The following WWOX variants were observed in gnomAD, a reference collection of about 807,000 sequenced individuals.
The protein encoded by WWOX is WW domain-containing oxidoreductase.
A neutral mutation model predicts 46.2 loss-of-function variants in WWOX; 69 were observed. That is an observed-to-expected ratio of 1.49 (90% CI 1.23 to 1.82). The LOEUF is 1.82. Among genes scored for constraint, WWOX ranks in the 40% most tolerant of loss-of-function variants. The pLI is 0.00. For missense variants in WWOX, 919 were observed against 542.6 expected (o/e 1.69, Z -6.89); for synonymous variants, 359 against 202.6 (o/e 1.77, Z -6.56).
intron 8 of WWOX, among the ~76,000 whole-genome samples, chr16:79,047,699 T>TC: frequency 6.9e-6 from 1 of 145,520 alleles, no homozygotes; most frequent in African/African-American, 2.7e-5. Context: ...TTTTTTTTTT[T>TC]TTGCTTGTCA....
At chr16:78,775,709 G>A (rs1311392502) in intron 8 of WWOX, among the ~76,000 whole-genome samples, 2 of 152,174 alleles carry the variant, frequency 1.3e-5, no homozygotes, top group Non-Finnish European at 2.9e-5. Flanking sequence ...GGGGACAGGT[G>A]TTCATTCAAT....
At chr16:78,279,936 C>A (rs1399394068) in intron 5 of WWOX, among the ~76,000 whole-genome samples, 1 of 152,224 alleles carries the variant, frequency 6.6e-6, no homozygotes, top group African/African-American at 2.4e-5. Context: ...AATCCTGTAA[C>A]TATCTCCTTA....
intron 8 of WWOX, chr16:78,825,621 C>A (rs150772366): frequency 2.9e-4 from 151 of 519,238 alleles, no homozygotes; most frequent in African/African-American, 2.6e-3. Context: ...GCTTACTGTG[C>A]GGAGGGCCTG....
intron 8 of WWOX, among the ~76,000 whole-genome samples, chr16:78,706,585 A>G (rs974817114): frequency 2.0e-5 from 3 of 152,230 alleles, no homozygotes; most frequent in Admixed American, 6.5e-5. Context: ...CACTTGGTGC[A>G]GTCTCTCTGG....
intron 8 of WWOX, among the ~76,000 whole-genome samples, chr16:78,991,624 C>G (rs1481014983): frequency 8.9e-6 from 1 of 112,548 alleles, no homozygotes; most frequent in Non-Finnish European, 1.9e-5. Context: ...AAGCCAGATT[C>G]TCCACCTACC....
At chr16:78,808,488 T>C (rs1178318420) in intron 8 of WWOX, among the ~76,000 whole-genome samples, 1 of 152,244 alleles carries the variant, frequency 6.6e-6, no homozygotes, top group African/African-American at 2.4e-5. Context: ...ATTACATATT[T>C]ACTAATTGAT....
At chr16:78,269,235 T>C (rs376375751) in intron 5 of WWOX, 14 of 152,368 alleles carry the variant, frequency 9.2e-5, no homozygotes, top group African/African-American at 2.4e-4. Context: ...TTAATAGATA[T>C]GTCAGACGTG....
chr16:78,259,935 C>T lies in WWOX; in HGVS notation c.516+95646C>T, dbSNP rs2038233498. 3.3e-5 allele frequency among the ~76,000 whole-genome samples: 5 copies of T among 151,162 alleles called. No individual in the cohort carries two copies. In the South Asian group the frequency reaches 1.0e-3, roughly 31 times the overall value. ...AACAATTGAGTTATTTTATGATGAT[C>T]TAAACTGCATAGGATAAAATCCTAT... On this transcript the variant is annotated intron_variant, in intron 5 of 8. Coordinates refer to ENST00000566780, the MANE Select transcript of WWOX (RefSeq NM_016373.4).
intron 8 of WWOX, among the ~76,000 whole-genome samples, chr16:78,974,057 T>C (rs2046524323): frequency 6.6e-6 from 1 of 152,230 alleles, no homozygotes. Flanking sequence ...TTCTAAATGG[T>C]TTCACCTTTC....
intron 8 of WWOX, among the ~76,000 whole-genome samples, chr16:78,751,848 G>T (rs1355152262): frequency 6.6e-6 from 1 of 151,756 alleles, no homozygotes. Flanking sequence ...AGGAGGGAGG[G>T]AAGGTAAGAA....
At chr16:78,988,361 A>G (rs1257919662) in intron 8 of WWOX, among the ~76,000 whole-genome samples, 1 of 151,994 alleles carries the variant, frequency 6.6e-6, no homozygotes, top group African/African-American at 2.4e-5. Context: ...AATAAAAAAA[A>G]AAAAAAAAGA....
Position 78,726,414 on chromosome 16 carries a change from C to T in WWOX, c.1056+293662C>T, listed in dbSNP as rs558138433. On this transcript the variant is annotated intron_variant, in intron 8 of 8. Transcript: ENST00000566780. ...CGTATTTTTAAATTATTTGTGGAGA[C>T]GGGGCGGGGAGGTCTCCCTGTGTTG... is the stretch of plus-strand genomic sequence containing the variant. Among the ~76,000 whole-genome samples, 18 of 151,922 alleles carry T rather than the reference C, an allele frequency of 1.2e-4. 1 individual carries two copies. The highest frequency in any genetic ancestry group is 2.1e-4 in the Non-Finnish European group (14 of 67,972).
intron 8 of WWOX, among the ~76,000 whole-genome samples, chr16:78,458,177 G>T: frequency 6.6e-6 from 1 of 151,494 alleles, no homozygotes; most frequent in East Asian, 1.9e-4. Flanking sequence ...TGATTTTGTC[G>T]AACTTGCCCT....
At chr16:78,569,554 A>G (rs11640217) in intron 8 of WWOX, among the ~76,000 whole-genome samples, 23,191 of 152,100 alleles carry the variant, frequency 0.15, 2,394 homozygotes, top group African/African-American at 0.3. Flanking sequence ...AGCAATTTGC[A>G]TGAAATTTAC....
At chr16:78,314,563 C>G (rs559623531) in intron 5 of WWOX, among the ~76,000 whole-genome samples, 1 of 139,700 alleles carries the variant, frequency 7.2e-6, no homozygotes, top group Non-Finnish European at 1.5e-5. Context: ...TTGCTCTTGT[C>G]GCCCAGGCTG....
intron 8 of WWOX, among the ~76,000 whole-genome samples, chr16:78,669,628 T>C (rs1281919788): frequency 6.6e-6 from 1 of 152,222 alleles, no homozygotes; most frequent in Non-Finnish European, 1.5e-5. Context: ...TGAGTCAGTT[T>C]CAGATATCCA....
At chr16:78,675,391 C>T (rs953209119) in intron 8 of WWOX, among the ~76,000 whole-genome samples, 1 of 152,182 alleles carries the variant, frequency 6.6e-6, no homozygotes, top group Admixed American at 6.5e-5. Flanking sequence ...TTTACAGAAA[C>T]TCATCTCTGC....
intron 4 of WWOX, among the ~76,000 whole-genome samples, chr16:78,148,471 T>A (rs2034284534): frequency 6.6e-6 from 1 of 152,168 alleles, no homozygotes; most frequent in Non-Finnish European, 1.5e-5. Flanking sequence ...CTTGAGAACC[T>A]TTAAAAGACA....
intron 8 of WWOX, among the ~76,000 whole-genome samples, chr16:78,459,612 C>G (rs572208002): frequency 2.6e-5 from 4 of 152,254 alleles, no homozygotes; most frequent in South Asian, 2.1e-4. Context: ...GAGGCAAAAT[C>G]TACTTTCTGC....
Sources: allele counts gnomAD v4.1 joint callset (sites outside exome capture counted in the v4.1 genomes callset), GRCh38; gene constraint gnomAD v4.1.1; transcripts MANE v1.5; gene names NCBI Gene and HGNC (gene_info 2026-07-23, HGNC 2026-07-21).